GARIN2: variants seen among roughly 807,000 people sequenced by gnomAD.
GARIN2 encodes golgi associated RAB2 interactor family member 2, also known as Golgi-associated RAB2 interactor protein 2.
chr14:67,221,690 A>C, the GARIN2 span: 3 of 1,549,294 alleles, frequency 1.9e-6, no homozygotes, highest in South Asian at 1.2e-5. Context: ...CATTTAAAGA[A>C]TGACCGGTTA....
At chr14:67,198,455 G>A in the GARIN2 span, 6 of 841,240 alleles carry the variant, frequency 7.1e-6, no homozygotes, top group Non-Finnish European at 1.1e-5. Context: ...GAACAGTTTG[G>A]GAACTTTAAA....
At chr14:67,218,140 G>C in the GARIN2 span, among the ~76,000 whole-genome samples, 3 of 152,194 alleles carry the variant, frequency 2.0e-5, no homozygotes, top group East Asian at 5.8e-4. Context: ...CTCAGGTCAA[G>C]GACAGACAGG....
the GARIN2 span, among the ~76,000 whole-genome samples, chr14:67,211,474 A>G: frequency 2.6e-5 from 4 of 152,362 alleles, no homozygotes; most frequent in Non-Finnish European, 5.9e-5. Context: ...TTTTTAATGT[A>G]GTAAAAAATA....
the GARIN2 span, among the ~76,000 whole-genome samples, chr14:67,191,913 G>T: frequency 6.6e-6 from 1 of 152,210 alleles, no homozygotes; most frequent in Non-Finnish European, 1.5e-5. Context: ...CTGCAGAAAC[G>T]TACAACCTAA....
At chr14:67,214,072 G>T in the GARIN2 span, among the ~76,000 whole-genome samples, 3 of 152,174 alleles carry the variant, frequency 2.0e-5, no homozygotes, top group Admixed American at 6.5e-5. Context: ...TTAGCCCTTT[G>T]TCAGATGAGT....
the GARIN2 span, among the ~76,000 whole-genome samples, chr14:67,193,571 A>G: frequency 2.3e-4 from 34 of 145,128 alleles, no homozygotes; most frequent in Non-Finnish European, 4.2e-4. Context: ...ATATCTATAT[A>G]GATCTATATA....
At chr14:67,207,582 G>T in the GARIN2 span, among the ~76,000 whole-genome samples, 11 of 152,086 alleles carry the variant, frequency 7.2e-5, no homozygotes, top group Admixed American at 7.2e-4. Context: ...AGGGGCAGTG[G>T]AAAGAAGAAG....
the GARIN2 span, among the ~76,000 whole-genome samples, chr14:67,209,442 T>C: frequency 6.6e-6 from 1 of 152,172 alleles, no homozygotes; most frequent in African/African-American, 2.4e-5. Flanking sequence ...GTTGATTGAT[T>C]GCATAACAAT....
the GARIN2 span, among the ~76,000 whole-genome samples, chr14:67,205,468 G>T: frequency 2.0e-5 from 3 of 152,162 alleles, no homozygotes; most frequent in South Asian, 6.2e-4. Context: ...TACAATGTAA[G>T]GGTTAATTTC....
chr14:67,224,565 T>A, the GARIN2 span: 1 of 219,204 alleles, frequency 4.6e-6, no homozygotes. Context: ...CGGCCCCATT[T>A]CTCTACTTTC....
chr14:67,221,840 T>C, the GARIN2 span: 2 of 1,609,772 alleles, frequency 1.2e-6, no homozygotes, highest in South Asian at 1.1e-5. Context: ...TGTTTTATTG[T>C]GATCCCTGGT....
At chr14:67,214,627 T>C in the GARIN2 span, among the ~76,000 whole-genome samples, 12 of 152,102 alleles carry the variant, frequency 7.9e-5, no homozygotes, top group African/African-American at 2.7e-4. Flanking sequence ...TCTTTTGGCT[T>C]AGGATTGACT....
the GARIN2 span, among the ~76,000 whole-genome samples, chr14:67,219,722 AT>A: frequency 1.3e-5 from 2 of 152,208 alleles, no homozygotes; most frequent in African/African-American, 2.4e-5. Context: ...GCTATAAAAG[AT>A]CTTGAGAATT....
the GARIN2 span, among the ~76,000 whole-genome samples, chr14:67,218,648 GT>G: frequency 6.6e-6 from 1 of 152,254 alleles, no homozygotes; most frequent in Non-Finnish European, 1.5e-5. Context: ...TGGGTGCAGG[GT>G]CATTGGGCAG....
At chr14:67,198,462 T>TA in the GARIN2 span, 2 of 764,532 alleles carry the variant, frequency 2.6e-6, no homozygotes, top group Middle Eastern at 3.9e-4. Flanking sequence ...TTGGGAACTT[T>TA]AAAAAACCTG....
the GARIN2 span, chr14:67,224,769 C>T: frequency 2.1e-4 from 53 of 250,484 alleles, no homozygotes; most frequent in South Asian, 4.7e-4. Flanking sequence ...TTCCTTCCTA[C>T]CCTTACCCAT....
chr14:67,200,498 T>C, the GARIN2 span: 1 of 343,792 alleles, frequency 2.9e-6, no homozygotes. Flanking sequence ...TTTTTTATGT[T>C]GGTCCTGAGT....
the GARIN2 span, among the ~76,000 whole-genome samples, chr14:67,225,962 T>TGTGTGTGTGTGTGTGTGTGTGC: frequency 1.8e-4 from 20 of 113,516 alleles, no homozygotes; most frequent in African/African-American, 4.1e-4. Context: ...TGTGTGTGTG[T>TGTGTGTGTGTGTGTGTGTGTGC]GCGCGCGCGC....
the GARIN2 span, among the ~76,000 whole-genome samples, chr14:67,219,726 T>C: frequency 0.011 from 1,605 of 152,286 alleles, 27 homozygotes; most frequent in African/African-American, 0.036. Context: ...TAAAAGATCT[T>C]GAGAATTAAC....
Sources: gnomAD v4.1 joint callset for allele counts (sites outside exome capture counted in the v4.1 genomes callset) on GRCh38, gnomAD v4.1.1 for gene constraint, MANE v1.5 for transcripts, NCBI Gene and HGNC (gene_info 2026-07-23, HGNC 2026-07-21) for gene names.